TMEM132C: variants seen among roughly 807,000 people sequenced by gnomAD.
TMEM132C encodes transmembrane protein 132C.
A neutral mutation model predicts 61.4 loss-of-function variants in TMEM132C; 29 were observed. The ratio of observed to expected loss-of-function variants is 0.47; its 90% CI spans 0.35 to 0.64. The LOEUF (loss-of-function observed/expected upper bound fraction) is 0.64. Ranked by LOEUF, TMEM132C falls within the 30% of genes least tolerant of loss-of-function variation. The probability of loss-of-function intolerance (pLI) is 0.00; values close to 1 mark genes in which losing one functional copy is unlikely to be tolerated. For synonymous variants in TMEM132C, 656 were observed against 633.1 expected (o/e 1.04, Z -0.54); for missense variants, 1,408 against 1,476.9 (o/e 0.95, Z 0.76).
intron 1 of TMEM132C, among the ~76,000 whole-genome samples, chr12:128,280,124 T>G (rs926242058): frequency 1.3e-5 from 2 of 152,236 alleles, no homozygotes; most frequent in Non-Finnish European, 2.9e-5. Flanking sequence ...GGGAGGTAAG[T>G]TTTATATGCC....
chr12:128,341,349 A>G (rs1236014391), intron 1 of TMEM132C, among the ~76,000 whole-genome samples: 1 of 152,208 alleles, frequency 6.6e-6, no homozygotes, highest in East Asian at 1.9e-4. Flanking sequence ...CTCAGTAAGT[A>G]TTTTAATTTG....
chr12:128,456,528 T>C (rs917815381), intron 2 of TMEM132C, among the ~76,000 whole-genome samples: 3 of 150,858 alleles, frequency 2.0e-5, no homozygotes, highest in African/African-American at 7.3e-5. Context: ...CAGCTCAGCC[T>C]CCCAAGTAGC....
At chr12:128,424,591 G>C (rs925040388) in intron 2 of TMEM132C, among the ~76,000 whole-genome samples, 4 of 152,336 alleles carry the variant, frequency 2.6e-5, no homozygotes, top group Admixed American at 6.5e-5. Flanking sequence ...CATGTGGGGA[G>C]TGATTGCCAA....
intron 8 of TMEM132C, among the ~76,000 whole-genome samples, chr12:128,698,548 C>T (rs562591720): frequency 3.9e-5 from 6 of 152,326 alleles, no homozygotes; most frequent in African/African-American, 1.4e-4. Flanking sequence ...GTGAAGAGTC[C>T]ATTTGCAAAT....
At chr12:128,564,836 T>C (rs1281353764) in intron 3 of TMEM132C, among the ~76,000 whole-genome samples, 2 of 152,196 alleles carry the variant, frequency 1.3e-5, no homozygotes, top group African/African-American at 2.4e-5. Flanking sequence ...GGATTCTTGT[T>C]TGTGGGAGGC....
intron 1 of TMEM132C, among the ~76,000 whole-genome samples, chr12:128,317,510 T>C (rs1263143709): frequency 6.6e-6 from 1 of 152,240 alleles, no homozygotes; most frequent in Non-Finnish European, 1.5e-5. Flanking sequence ...TTTGATATAG[T>C]CTACATTTCT....
intron 4 of TMEM132C, among the ~76,000 whole-genome samples, chr12:128,650,599 C>CAAAG (rs1954258576): frequency 1.3e-5 from 2 of 152,034 alleles, no homozygotes; most frequent in African/African-American, 2.4e-5. Flanking sequence ...AAGGATAGTG[C>CAAAG]ATGCCTGCAG....
chr12:128,567,898 G>T (rs528701575), intron 3 of TMEM132C, among the ~76,000 whole-genome samples: 1 of 152,320 alleles, frequency 6.6e-6, no homozygotes, highest in Non-Finnish European at 1.5e-5. Context: ...GATTCGATTT[G>T]CTAAGCCTGT....
At chr12:128,386,119 A>G (rs905163387) in intron 1 of TMEM132C, among the ~76,000 whole-genome samples, 1 of 152,204 alleles carries the variant, frequency 6.6e-6, no homozygotes, top group African/African-American at 2.4e-5. Flanking sequence ...TTTTATGGGC[A>G]GAAAGTGCCT....
At chr12:128,664,601 G>A (rs374468384) in intron 4 of TMEM132C, among the ~76,000 whole-genome samples, 6 of 152,198 alleles carry the variant, frequency 3.9e-5, no homozygotes, top group African/African-American at 1.4e-4. Flanking sequence ...ACACCTACTG[G>A]GGTCGGCAGG....
At chr12:128,684,975 G>A (rs1027881389) in intron 5 of TMEM132C, among the ~76,000 whole-genome samples, 1 of 152,166 alleles carries the variant, frequency 6.6e-6, no homozygotes, top group Non-Finnish European at 1.5e-5. Flanking sequence ...CCGGCAACGA[G>A]AGGAAAGGGA....
chr12:128,350,523 A>G lies in TMEM132C; in HGVS notation c.86-64209A>G, dbSNP rs1873306537. On this transcript the variant is annotated intron_variant, in intron 1 of 8. Coordinates refer to ENST00000435159, the MANE Select transcript of TMEM132C (RefSeq NM_001136103.3). ...TCCAGGTGAGGGGACAGATAGTGCA[A>G]AAGCCCAGAGTGGAATTAGCTGGGT... Among the ~76,000 whole-genome samples the G allele has an allele frequency of 2.0e-5, 3 of 152,242 alleles. No homozygotes were observed. The South Asian group carries it at 6.2e-4, about 32-fold the overall frequency.
chr12:128,280,732 C>G (rs1870864644), intron 1 of TMEM132C, among the ~76,000 whole-genome samples: 1 of 152,174 alleles, frequency 6.6e-6, no homozygotes, highest in Admixed American at 6.5e-5. Context: ...TAATTTGTGG[C>G]TCTTGGAAGT....
In TMEM132C at chr12:128,440,017, T is replaced by G. The variant is rs147224754; in HGVS notation, c.974+24397T>G. On this transcript the variant is annotated intron_variant, in intron 2 of 8. Coordinates refer to ENST00000435159, the MANE Select transcript of TMEM132C (RefSeq NM_001136103.3). ...CTATTGCAAAACAACATGAGAGCTT[T>G]TGCTTTTCTCTTTCTGTTTGGAGGT... 1.2e-4 allele frequency among the ~76,000 whole-genome samples: 19 copies of G among 152,360 alleles called. 1 individual carries two copies. The East Asian group carries it at 3.5e-3, about 28-fold the overall frequency.
intron 1 of TMEM132C, among the ~76,000 whole-genome samples, chr12:128,400,770 G>A (rs1875129283): frequency 6.6e-6 from 1 of 151,834 alleles, no homozygotes; most frequent in Admixed American, 6.6e-5. Flanking sequence ...CACCATACCT[G>A]GCTAATTTTT....
At chr12:128,492,922 C>A (rs1428123864) in intron 2 of TMEM132C, among the ~76,000 whole-genome samples, 1 of 152,106 alleles carries the variant, frequency 6.6e-6, no homozygotes, top group Non-Finnish European at 1.5e-5. Flanking sequence ...GAAGTCCTTG[C>A]CTATGCCTAT....
chr12:128,648,890 T>C (rs568113117), intron 4 of TMEM132C, among the ~76,000 whole-genome samples: 1 of 146,954 alleles, frequency 6.8e-6, no homozygotes, highest in East Asian at 2.0e-4. Context: ...TCCATCAGCA[T>C]TGGATATGGG....
At chr12:128,294,376 C>A (rs952325366) in intron 1 of TMEM132C, among the ~76,000 whole-genome samples, 5 of 152,200 alleles carry the variant, frequency 3.3e-5, no homozygotes, top group Non-Finnish European at 5.9e-5. Context: ...CAGTGACTCA[C>A]ACAGCAAGGT....
At chr12:128,346,123 G>T (rs1005465013) in intron 1 of TMEM132C, among the ~76,000 whole-genome samples, 1 of 152,134 alleles carries the variant, frequency 6.6e-6, no homozygotes, top group Non-Finnish European at 1.5e-5. Context: ...CCTGCATATG[G>T]CTAGCCACTT....
Sources: gnomAD v4.1 joint callset for allele counts (sites outside exome capture counted in the v4.1 genomes callset) on GRCh38, gnomAD v4.1.1 for gene constraint, MANE v1.5 for transcripts, NCBI Gene and HGNC (gene_info 2026-07-23, HGNC 2026-07-21) for gene names.